MAP3K13: variants seen among roughly 807,000 people sequenced by gnomAD.
The protein encoded by MAP3K13 is mitogen-activated protein kinase kinase kinase 13.
Under a neutral mutation model 104.0 loss-of-function variants are expected in MAP3K13, and 52 were observed. The observed-to-expected ratio is 0.50, with a 90% CI of 0.40 to 0.63. The LOEUF (loss-of-function observed/expected upper bound fraction) is 0.63, where lower values mean the gene tolerates loss of function less well. Ranked by LOEUF, MAP3K13 falls within the 20% of genes least tolerant of loss-of-function variation. The pLI is 0.00. For synonymous variants in MAP3K13, 394 were observed against 442.2 expected, an observed-to-expected ratio of 0.89 and a Z score of 1.37; for missense variants, 914 against 1,218.5, an observed-to-expected ratio of 0.75 and a Z score of 3.72.
chr3:185,317,965 GAAA>G (rs528138539), intron 2 of MAP3K13, among the ~76,000 whole-genome samples: 2 of 130,992 alleles, frequency 1.5e-5, no homozygotes, highest in African/African-American at 5.6e-5. Context: ...AAACTTTAAA[GAAA>G]AAAAAAAAAG....
chr3:185,337,256 A>G (rs1399186117), intron 2 of MAP3K13, among the ~76,000 whole-genome samples: 1 of 152,218 alleles, frequency 6.6e-6, no homozygotes, highest in African/African-American at 2.4e-5. Context: ...AGTGGTTTCC[A>G]TAGCAAAATG....
intron 2 of MAP3K13, among the ~76,000 whole-genome samples, chr3:185,320,034 G>A (rs1024805132): frequency 4.2e-4 from 63 of 151,710 alleles, no homozygotes; most frequent in African/African-American, 1.5e-3. Context: ...ACTGTTTTCA[G>A]ATAATGTATA....
intron 2 of MAP3K13, among the ~76,000 whole-genome samples, chr3:185,301,818 A>C (rs1289238825): frequency 6.6e-6 from 1 of 152,140 alleles, no homozygotes; most frequent in African/African-American, 2.4e-5. Flanking sequence ...ATTCTGTTCC[A>C]TTGGACAATA....
Position 185,418,804 on chromosome 3 carries a change from C to T in MAP3K13, c.-85-9693C>T. ...GGCGGAGAGAGGAGACAGCCACGCT[C>T]CTCTCAGCCCGGCTGCTGCCACAGG... On this transcript the variant is annotated intron_variant, in intron 1 of 13. Coordinates refer to ENST00000265026, the MANE Select transcript of MAP3K13 (RefSeq NM_004721.5). The surrounding 1 kb of genome is among the most constrained non-coding windows in gnomAD (Gnocchi z 4.5). The T allele has an allele frequency of 6.3e-7, 1 of 1,580,194 alleles. No individual in the cohort carries two copies. Among genetic ancestry groups the T allele is most frequent in the Non-Finnish European group, 8.6e-7 (1 of 1,156,684 alleles).
chr3:185,379,792 A>G (rs7428983), intron 1 of MAP3K13, among the ~76,000 whole-genome samples: 11,816 of 152,224 alleles, frequency 0.078, 591 homozygotes, highest in Admixed American at 0.14. Context: ...TAAAAACATC[A>G]ACTCTGCAAG....
intron 2 of MAP3K13, among the ~76,000 whole-genome samples, chr3:185,431,397 A>G (rs1407527657): frequency 6.6e-6 from 1 of 152,234 alleles, no homozygotes; most frequent in Non-Finnish European, 1.5e-5. Flanking sequence ...TTTAGCTATT[A>G]TAAGCCATAC....
At chr3:185,407,302 G>A (rs1377518599) in intron 1 of MAP3K13, among the ~76,000 whole-genome samples, 1 of 152,114 alleles carries the variant, frequency 6.6e-6, no homozygotes, top group Non-Finnish European at 1.5e-5. Context: ...ATATGTAATC[G>A]TGACTGTGCT....
intron 3 of MAP3K13, among the ~76,000 whole-genome samples, chr3:185,439,685 C>T (rs916459290): frequency 6.6e-6 from 1 of 152,070 alleles, no homozygotes; most frequent in African/African-American, 2.4e-5. Context: ...AGAAATGTGT[C>T]CTAATAGGAT....
At chr3:185,412,964 TGATGGTAG>T (rs1252529539) in intron 1 of MAP3K13, among the ~76,000 whole-genome samples, 1 of 152,214 alleles carries the variant, frequency 6.6e-6, no homozygotes, top group African/African-American at 2.4e-5. Context: ...CTTCAAGGAA[TGATGGTAG>T]CAGTAATCTA....
At chr3:185,440,291 C>T (rs1167859117) in intron 3 of MAP3K13, among the ~76,000 whole-genome samples, 1 of 152,162 alleles carries the variant, frequency 6.6e-6, no homozygotes, top group Non-Finnish European at 1.5e-5. Flanking sequence ...GGAATGATTG[C>T]TCCTCGTTCG....
chr3:185,409,522 A>G lies in MAP3K13; in HGVS notation c.-85-18975A>G, dbSNP rs543393269. Among the ~76,000 whole-genome samples, 4 of 152,336 alleles carry G rather than the reference A, an allele frequency of 2.6e-5. No homozygotes were observed. In the South Asian group the frequency reaches 8.3e-4, roughly 32 times the overall value. On this transcript the variant is annotated intron_variant, in intron 1 of 13. Transcript: ENST00000265026. Reference sequence around the variant, plus strand: ...AGGATGCATAGAAAATGGAACTGTTATGCACTGTTGGTAGGAATGTAAACT... The same window carrying G: ...AGGATGCATAGAAAATGGAACTGTTGTGCACTGTTGGTAGGAATGTAAACT...
intron 2 of MAP3K13, among the ~76,000 whole-genome samples, chr3:185,349,981 C>T (rs140743803): frequency 7.9e-5 from 12 of 152,266 alleles, no homozygotes; most frequent in African/African-American, 2.9e-4. Context: ...GGGCCAAAGC[C>T]TTCTGAGGTG....
intron 2 of MAP3K13, among the ~76,000 whole-genome samples, chr3:185,323,333 CTTT>C (rs869206853): frequency 1.5e-5 from 2 of 134,322 alleles, no homozygotes; most frequent in Non-Finnish European, 1.6e-5. Context: ...TTTGGCATAC[CTTT>C]TTTTTTTTTT....
intron 1 of MAP3K13, among the ~76,000 whole-genome samples, chr3:185,376,510 C>T (rs1724439003): frequency 6.6e-6 from 1 of 152,104 alleles, no homozygotes; most frequent in African/African-American, 2.4e-5. Flanking sequence ...TCCGACCACA[C>T]AGCCCTGCAC....
rs1000900796 is a variant in MAP3K13, at chr3:185,421,301, A to G, written c.-85-7196A>G. Among the ~76,000 whole-genome samples, 4 of 151,932 alleles carry G rather than the reference A, an allele frequency of 2.6e-5. No individual in the cohort carries two copies. In the South Asian group the frequency reaches 6.2e-4, roughly 24 times the overall value. ...CTCCACCTCCTGCCTGGGTTCAAGC[A>G]ATTCTCCTGCCTCAGCCTCCCGAGT... On this transcript the variant is annotated intron_variant, in intron 1 of 13. Transcript: ENST00000265026.
At chr3:185,397,194 G>T (rs1299835346) in intron 1 of MAP3K13, among the ~76,000 whole-genome samples, 1 of 152,216 alleles carries the variant, frequency 6.6e-6, no homozygotes, top group Non-Finnish European at 1.5e-5. Context: ...AGCATTTCCA[G>T]TGATGGAGAG....
chr3:185,401,852 G>C lies in MAP3K13; in HGVS notation c.-85-26645G>C, dbSNP rs556910533. ...GTGAGATTCCTGGATTTTCATAGGA[G>C]AGTGTCAGCTCTTTCTTTTTGGTAG... On this transcript the variant is annotated intron_variant, in intron 1 of 13. Transcript: ENST00000265026. 3.4e-4 allele frequency among the ~76,000 whole-genome samples: 52 copies of C among 152,280 alleles called. 1 individual carries two copies. Among genetic ancestry groups the C allele is most frequent in the African/African-American group, 1.2e-3 (50 of 41,560 alleles).
chr3:185,416,556 C>T (rs995896757), intron 1 of MAP3K13, among the ~76,000 whole-genome samples: 5 of 151,978 alleles, frequency 3.3e-5, no homozygotes, highest in Middle Eastern at 3.4e-3. Context: ...TCTCTTAAGC[C>T]CTTACAATAT....
chr3:185,437,728 C>A, intron 3 of MAP3K13, 98 bp downstream of exon 3: 1 of 1,222,316 alleles, frequency 8.2e-7, no homozygotes, highest in Non-Finnish European at 1.1e-6. Flanking sequence ...CAAAAGCATT[C>A]TCTAGACTTA....
Sources: gnomAD v4.1 joint callset for allele counts (sites outside exome capture counted in the v4.1 genomes callset) on GRCh38, gnomAD v4.1.1 for gene constraint, Gnocchi (gnomAD v3.1) non-coding constraint, MANE v1.5 for transcripts, NCBI Gene and HGNC (gene_info 2026-07-23, HGNC 2026-07-21) for gene names.